The following RYR2 variants were observed in gnomAD, a reference collection of about 807,000 sequenced individuals.
RYR2 encodes the protein ryanodine receptor 2, also known as cardiac muscle ryanodine receptor-calcium release channel.
Under a neutral mutation model 601.1 loss-of-function variants are expected in RYR2, and 227 were observed. That is an observed-to-expected ratio of 0.38 (90% CI 0.34 to 0.42). RYR2 has a LOEUF of 0.42. RYR2 is among the 10% of genes least tolerant of loss of function. The probability of loss-of-function intolerance (pLI) is 1.00; values close to 1 mark genes in which losing one functional copy is unlikely to be tolerated. For missense variants in RYR2, 4,646 were observed against 6,156.5 expected (o/e 0.75, Z 8.21); for synonymous variants, 2,223 against 2,175.1 (o/e 1.02, Z -0.61).
chr1:237,226,832 G>A (rs1684417002), intron 1 of RYR2, among the ~76,000 whole-genome samples: 1 of 152,108 alleles, frequency 6.6e-6, no homozygotes, highest in Non-Finnish European at 1.5e-5. Context: ...GTAGTGGCGT[G>A]CTCTCGGCTC....
At chr1:237,508,431 C>T (rs1330259019) in intron 23 of RYR2, among the ~76,000 whole-genome samples, 1 of 150,202 alleles carries the variant, frequency 6.7e-6, no homozygotes, top group Admixed American at 6.7e-5. Context: ...TGATTAGAGG[C>T]CAGGAAGATT....
At chr1:237,203,531 A>T (rs1314090824) in intron 1 of RYR2, among the ~76,000 whole-genome samples, 2 of 152,228 alleles carry the variant, frequency 1.3e-5, no homozygotes, top group African/African-American at 4.8e-5. Context: ...TTGGGAATTT[A>T]ACCAATAATC....
intron 1 of RYR2, among the ~76,000 whole-genome samples, chr1:237,205,054 G>C (rs1335747342): frequency 6.6e-6 from 1 of 152,218 alleles, no homozygotes; most frequent in Non-Finnish European, 1.5e-5. Context: ...GTGCAGTAGG[G>C]CCAGGTGGGG....
chr1:237,769,914 T>C lies in RYR2; in HGVS notation c.11477-893T>C, dbSNP rs548082053. On this transcript the variant is annotated intron_variant, in intron 84 of 104. Transcript: ENST00000366574. The stretch of plus-strand genomic sequence containing the variant: ...GCTTCATTTGTGTGGTGCTGTTCTG[T>C]GTTTGTTTCTTTCCTTGTGTTTTTG... Among the ~76,000 whole-genome samples, 7 of 152,224 alleles carry C rather than the reference T, an allele frequency of 4.6e-5. No homozygotes were observed. The East Asian group carries it at 1.4e-3, about 29-fold the overall frequency.
At chr1:237,668,864 C>G (rs1053497033) in intron 58 of RYR2, among the ~76,000 whole-genome samples, 1 of 152,100 alleles carries the variant, frequency 6.6e-6, no homozygotes, top group African/African-American at 2.4e-5. Flanking sequence ...AGAGAAGATT[C>G]CACATTTTAT....
chr1:237,617,896 G>C (rs140015449), intron 38 of RYR2, among the ~76,000 whole-genome samples: 1,734 of 152,236 alleles, frequency 0.011, 12 homozygotes, highest in Admixed American at 0.023. Context: ...CCGGAAGACT[G>C]ATTACCTGCT....
chr1:237,439,786 C>G (rs1422724433), intron 12 of RYR2, among the ~76,000 whole-genome samples: 1 of 151,752 alleles, frequency 6.6e-6, no homozygotes, highest in Non-Finnish European at 1.5e-5. Context: ...AATCCATGCA[C>G]CCATAAATAG....
At chr1:237,482,850 C>T (rs1662268571) in intron 17 of RYR2, among the ~76,000 whole-genome samples, 1 of 152,172 alleles carries the variant, frequency 6.6e-6, no homozygotes, top group Non-Finnish European at 1.5e-5. Flanking sequence ...TCTCCATACC[C>T]TTGCCAGCAT....
chr1:237,663,951 A>G (rs1684048230), intron 56 of RYR2, among the ~76,000 whole-genome samples: 2 of 152,216 alleles, frequency 1.3e-5, no homozygotes, highest in Non-Finnish European at 2.9e-5. Context: ...AGTTACAAGA[A>G]GCTGATTGGA....
chr1:237,537,677 A>G (rs940897168), intron 25 of RYR2, among the ~76,000 whole-genome samples: 2 of 152,240 alleles, frequency 1.3e-5, no homozygotes, highest in Non-Finnish European at 2.9e-5. Flanking sequence ...TGAATTAACT[A>G]TAGCTAGATA....
At chr1:237,113,694 G>A (rs1171321891) in intron 1 of RYR2, among the ~76,000 whole-genome samples, 1 of 152,154 alleles carries the variant, frequency 6.6e-6, no homozygotes, top group African/African-American at 2.4e-5. Flanking sequence ...TAGTACACTT[G>A]TGAGAAAAGA....
intron 27 of RYR2, among the ~76,000 whole-genome samples, chr1:237,551,785 A>G (rs1194547078): frequency 6.6e-6 from 1 of 152,182 alleles, no homozygotes; most frequent in Non-Finnish European, 1.5e-5. Flanking sequence ...GATAGTTTAT[A>G]TATTCACTGT....
intron 1 of RYR2, chr1:237,267,629 C>T: frequency 3.1e-6 from 1 of 319,320 alleles, no homozygotes; most frequent in South Asian, 2.3e-5. Flanking sequence ...CTAACAAGCT[C>T]TCAAGTGTGG....
intron 17 of RYR2, among the ~76,000 whole-genome samples, chr1:237,488,957 T>A (rs1663017673): frequency 6.6e-6 from 1 of 152,098 alleles, no homozygotes; most frequent in Admixed American, 6.6e-5. Context: ...GACGAAAACA[T>A]TCAGACCATA....
intron 1 of RYR2, among the ~76,000 whole-genome samples, chr1:237,189,056 C>G (rs949564165): frequency 2.6e-5 from 4 of 152,140 alleles, no homozygotes; most frequent in African/African-American, 9.7e-5. Context: ...CTCCCCCGTC[C>G]TCCTCCCAGC....
chr1:237,669,965 C>T (rs530265542), intron 58 of RYR2, among the ~76,000 whole-genome samples: 5 of 151,336 alleles, frequency 3.3e-5, no homozygotes, highest in East Asian at 2.0e-4. Flanking sequence ...TGTAGCGAGC[C>T]GAGATCACGC....
At chr1:237,082,243 C>T (rs1665788629) in intron 1 of RYR2, among the ~76,000 whole-genome samples, 1 of 152,016 alleles carries the variant, frequency 6.6e-6, no homozygotes, top group Non-Finnish European at 1.5e-5. Flanking sequence ...AGCCACACAG[C>T]TCATCGTTTT....
At chr1:237,402,363 G>T (rs181882951) in intron 10 of RYR2, among the ~76,000 whole-genome samples, 1 of 151,126 alleles carries the variant, frequency 6.6e-6, no homozygotes, top group Non-Finnish European at 1.5e-5. Context: ...CTCCAGTCTG[G>T]GTGGCAGAGC....
intron 24 of RYR2, among the ~76,000 whole-genome samples, chr1:237,527,413 T>TAAA (rs1481819564): frequency 2.4e-4 from 37 of 152,186 alleles, no homozygotes; most frequent in African/African-American, 8.9e-4. Context: ...AGTTGATACA[T>TAAA]AAAATTAGCC....
Sources: gnomAD v4.1 joint callset for allele counts (sites outside exome capture counted in the v4.1 genomes callset) on GRCh38, gnomAD v4.1.1 for gene constraint, MANE v1.5 for transcripts, NCBI Gene and HGNC (gene_info 2026-07-23, HGNC 2026-07-21) for gene names.